NRXN3: variants seen among roughly 807,000 people sequenced by gnomAD.
The protein encoded by NRXN3 is neurexin 3, also known as neurexin III.
NRXN3 carries 32 observed loss-of-function variants against 137.6 expected under a neutral mutation model. The observed-to-expected ratio is 0.23, with a 90% confidence interval of 0.18 to 0.31. The LOEUF is 0.31. NRXN3 is among the 10% of genes least tolerant of loss of function. The pLI is 1.00. For missense variants in NRXN3, 1,574 were observed against 2,062.5 expected (o/e 0.76, Z 4.59); for synonymous variants, 798 against 784.5 (o/e 1.02, Z -0.29).
chr14:78,258,872 C>T (rs1596462238), intron 2 of NRXN3, among the ~76,000 whole-genome samples: 1 of 152,144 alleles, frequency 6.6e-6, no homozygotes. Context: ...GTGGCTCACA[C>T]CTGTAATCCC....
intron 15 of NRXN3, among the ~76,000 whole-genome samples, chr14:79,388,761 C>T (rs1370067502): frequency 2.6e-5 from 4 of 152,134 alleles, no homozygotes; most frequent in African/African-American, 4.8e-5. Flanking sequence ...GATGGTTTGC[C>T]TGGGTCCCCA....
chr14:79,021,549 G>A (rs1005416073), intron 15 of NRXN3, among the ~76,000 whole-genome samples: 4 of 152,116 alleles, frequency 2.6e-5, no homozygotes, highest in Admixed American at 2.6e-4. Flanking sequence ...CACTTCAGGG[G>A]ATCTATGGAT....
chr14:79,849,866 C>A (rs1031571532), intron 20 of NRXN3, among the ~76,000 whole-genome samples: 4 of 152,112 alleles, frequency 2.6e-5, no homozygotes, highest in Admixed American at 2.6e-4. Flanking sequence ...TTTCTGAGCA[C>A]CCTCCATGTC....
intron 1 of NRXN3, among the ~76,000 whole-genome samples, chr14:78,228,110 A>G (rs182425255): frequency 5.0e-4 from 76 of 151,734 alleles, no homozygotes; most frequent in African/African-American, 1.4e-3. Flanking sequence ...ATCAAACCCA[A>G]TCAAACCACT....
intron 11 of NRXN3, 65 bp downstream of exon 11, chr14:78,957,426 A>G: frequency 6.4e-7 from 1 of 1,557,976 alleles, no homozygotes; most frequent in Middle Eastern, 1.7e-4. Context: ...CTGAGTGAGC[A>G]AACAGTGTTT....
At chr14:79,504,636 GTT>G (rs58575048) in intron 16 of NRXN3, among the ~76,000 whole-genome samples, 952 of 84,708 alleles carry the variant, frequency 0.011, 60 homozygotes, top group East Asian at 0.025. Flanking sequence ...ATAAAATGAA[GTT>G]TTTTATATAT....
chr14:78,293,322 T>C (rs1369118467), intron 3 of NRXN3, among the ~76,000 whole-genome samples: 1 of 152,152 alleles, frequency 6.6e-6, no homozygotes, highest in Non-Finnish European at 1.5e-5. Flanking sequence ...TATTAATATT[T>C]GTCCTGACTC....
intron 4 of NRXN3, among the ~76,000 whole-genome samples, chr14:78,368,585 C>T (rs986880382): frequency 6.6e-6 from 1 of 152,138 alleles, no homozygotes; most frequent in Admixed American, 6.5e-5. Flanking sequence ...ATTCCAGCTA[C>T]TCAAGAGGCT....
intron 10 of NRXN3, among the ~76,000 whole-genome samples, chr14:78,878,311 G>A (rs1006293916): frequency 2.6e-4 from 40 of 152,092 alleles, no homozygotes; most frequent in Non-Finnish European, 4.4e-5. Context: ...AAAAAGTCCA[G>A]AGGGCACAAG....
rs1002266720 is a variant in NRXN3, at chr14:79,127,303, T to C, written c.3262+139162T>C. ...AGGTTTTCTTCTAGGGTTTTTATGGTTTTAGTTCTAACGTTTAAGTCTTTA... is the reference window on the plus strand; with the variant it reads ...AGGTTTTCTTCTAGGGTTTTTATGGCTTTAGTTCTAACGTTTAAGTCTTTA... On this transcript the variant is annotated intron_variant, in intron 15 of 20. Coordinates refer to ENST00000335750, the MANE Select transcript of NRXN3 (RefSeq NM_001330195.2). Among the ~76,000 whole-genome samples the C allele has an allele frequency of 1.9e-3, 292 of 152,252 alleles. 1 individual carries two copies. The highest frequency in any genetic ancestry group is 6.8e-3 in the African/African-American group (282 of 41,524).
chr14:79,100,443 C>T (rs995618645), intron 15 of NRXN3, among the ~76,000 whole-genome samples: 8 of 152,210 alleles, frequency 5.3e-5, no homozygotes, highest in East Asian at 3.8e-4. Flanking sequence ...CTTGTTGGCA[C>T]GGTGTGCCCT....
intron 15 of NRXN3, among the ~76,000 whole-genome samples, chr14:79,006,935 T>A (rs182293655): frequency 2.6e-5 from 4 of 152,308 alleles, no homozygotes; most frequent in Admixed American, 1.3e-4. Flanking sequence ...GGGCTCTGAT[T>A]CTTGCTCAAA....
chr14:79,575,483 A>G (rs2097655268), intron 16 of NRXN3, among the ~76,000 whole-genome samples: 2 of 152,182 alleles, frequency 1.3e-5, no homozygotes, highest in Non-Finnish European at 2.9e-5. Flanking sequence ...AATTTAAATG[A>G]CCTGGGTTTC....
intron 4 of NRXN3, among the ~76,000 whole-genome samples, chr14:78,300,409 A>G (rs1161296444): frequency 6.6e-6 from 1 of 152,262 alleles, no homozygotes; most frequent in Non-Finnish European, 1.5e-5. Flanking sequence ...ATGGAGCTTG[A>G]ACATGAAGCT....
chr14:78,237,728 A>T (rs11848500), intron 1 of NRXN3, among the ~76,000 whole-genome samples: 1,537 of 152,288 alleles, frequency 0.01, 28 homozygotes, highest in African/African-American at 0.035. Context: ...GATGAACCTC[A>T]CCTTGAATGA....
chr14:78,869,356 C>T, intron 10 of NRXN3, among the ~76,000 whole-genome samples: 1 of 152,136 alleles, frequency 6.6e-6, no homozygotes, highest in East Asian at 1.9e-4. Flanking sequence ...TATTTCCAGG[C>T]ATATCACTCT....
intron 15 of NRXN3, among the ~76,000 whole-genome samples, chr14:79,018,402 T>C (rs889021515): frequency 1.3e-5 from 2 of 151,316 alleles, no homozygotes; most frequent in African/African-American, 2.4e-5. Flanking sequence ...CTGACCTCAC[T>C]ACTTTCCCTT....
rs181322836 is a variant in NRXN3 at position 78,870,165 on chromosome 14, C to T, written c.2275+59821C>T. Among the ~76,000 whole-genome samples the T allele has an allele frequency of 1.2e-3, 189 of 152,212 alleles. 4 individuals carry two copies. Among genetic ancestry groups the T allele is most frequent in the Non-Finnish European group, 5.9e-5 (4 of 67,986 alleles). On this transcript the variant is annotated intron_variant, in intron 10 of 20. Coordinates refer to ENST00000335750, the MANE Select transcript of NRXN3 (RefSeq NM_001330195.2). ...TGACTTAGCACACTTCTTGCTAAAA[C>T]CAGATTTTACAAGGAAGTGCACAGA...
intron 10 of NRXN3, among the ~76,000 whole-genome samples, chr14:78,832,271 C>A (rs2098984659): frequency 6.6e-6 from 1 of 151,512 alleles, no homozygotes; most frequent in African/African-American, 2.4e-5. Context: ...GATGTTGATA[C>A]AATCAACGAC....
Sources: allele counts gnomAD v4.1 joint callset (sites outside exome capture counted in the v4.1 genomes callset), GRCh38; gene constraint gnomAD v4.1.1; transcripts MANE v1.5; gene names NCBI Gene and HGNC (gene_info 2026-07-23, HGNC 2026-07-21).